Variants in MBD5 observed in about 807,000 individuals in gnomAD.
MBD5 encodes the protein methyl-CpG binding domain protein 5.
In MBD5, 13 loss-of-function variants were observed where a neutral mutation model predicts 117.3. The ratio of observed to expected loss-of-function variants is 0.11; its 90% confidence interval spans 0.07 to 0.18. The LOEUF (loss-of-function observed/expected upper bound fraction) is 0.18, where lower values mean the gene tolerates loss of function less well. Among genes scored for constraint, MBD5 ranks in the 10% least tolerant of loss-of-function variants. The pLI, the probability that MBD5 is intolerant of heterozygous loss-of-function variation, is 1.00. For synonymous variants in MBD5, 727 were observed against 766.4 expected, an observed-to-expected ratio of 0.95 and a Z score of 0.85; for missense variants, 1,879 against 2,093.8, an observed-to-expected ratio of 0.90 and a Z score of 2.00.
intron 2 of MBD5, among the ~76,000 whole-genome samples, chr2:148,204,649 T>C (rs950248246): frequency 6.6e-6 from 1 of 152,192 alleles, no homozygotes; most frequent in Admixed American, 6.5e-5. Flanking sequence ...TTAGTACCAG[T>C]TGCCAGTGGA....
At chr2:148,076,610 T>C (rs560879968) in intron 1 of MBD5, among the ~76,000 whole-genome samples, 2 of 152,334 alleles carry the variant, frequency 1.3e-5, no homozygotes, top group South Asian at 2.1e-4. Flanking sequence ...GTTAGTCTTC[T>C]AGGTGCCAGT....
At chr2:148,267,202 G>A (rs573253169) in intron 3 of MBD5, among the ~76,000 whole-genome samples, 3 of 152,250 alleles carry the variant, frequency 2.0e-5, no homozygotes, top group African/African-American at 7.2e-5. Flanking sequence ...TGAGACCACA[G>A]TAGACAGATA....
Position 148,288,399 on chromosome 2 carries a change from C to CAAAA in MBD5, c.-679-53803_-679-53800dup, listed in dbSNP as rs569673565. On this transcript the variant is annotated intron_variant, in intron 3 of 13. Transcript: ENST00000642680. ...TGGGCGACAGAGCGAGACTCCGTCT[C>CAAAA]AAAAAAAAAAAAAAAGTGATTTCTT... Among the ~76,000 whole-genome samples, 16 of 37,800 alleles carry CAAAA rather than the reference C, an allele frequency of 4.2e-4. 3 individuals carry two copies. Among genetic ancestry groups the CAAAA allele is most frequent in the Non-Finnish European group, 3.8e-4 (7 of 18,372 alleles). The allele number at this position is 37,800 out of a possible 152,430, so 24.8% of individuals were successfully genotyped here.
At chr2:148,321,883 C>A (rs1702291754) in intron 3 of MBD5, among the ~76,000 whole-genome samples, 1 of 152,144 alleles carries the variant, frequency 6.6e-6, no homozygotes, top group Non-Finnish European at 1.5e-5. Context: ...CTGCCACCCC[C>A]AGCCTTAATT....
intron 12 of MBD5, among the ~76,000 whole-genome samples, chr2:148,503,669 C>T (rs1361303014): frequency 1.3e-5 from 2 of 152,154 alleles, no homozygotes; most frequent in African/African-American, 4.8e-5. Context: ...CAAATTGGTA[C>T]TGGCTGTGTG....
intron 4 of MBD5, among the ~76,000 whole-genome samples, chr2:148,360,546 A>AT (rs1184078238): frequency 3.7e-4 from 57 of 152,054 alleles, no homozygotes; most frequent in African/African-American, 1.2e-3. Flanking sequence ...ATATCCTAGG[A>AT]TTTTTTAAAA....
At position 148,463,728 on chromosome 2, in the gene MBD5, G is replaced by A. The variant is rs1707170501; in HGVS notation, c.217-11G>A. On this transcript the variant is annotated splice_polypyrimidine_tract_variant and intron_variant, in intron 6 of 13. Coordinates refer to ENST00000642680, the MANE Select transcript of MBD5 (RefSeq NM_001378120.1). Reference sequence around the variant, plus strand: ...CAGACATATTCTAAACAAAGGCTGTGCTTTTTCCAGGTATTTAATTTTGAT... The same window carrying A: ...CAGACATATTCTAAACAAAGGCTGTACTTTTTCCAGGTATTTAATTTTGAT... 1.2e-6 allele frequency: 2 copies of A among 1,613,374 alleles called. No individual in the cohort carries two copies. Among genetic ancestry groups the A allele is most frequent in the Non-Finnish European group, 8.5e-7 (1 of 1,179,464 alleles).
At chr2:148,289,081 T>G (rs1701438090) in intron 3 of MBD5, among the ~76,000 whole-genome samples, 1 of 152,202 alleles carries the variant, frequency 6.6e-6, no homozygotes, top group Non-Finnish European at 1.5e-5. Context: ...ACTTTTGTGC[T>G]TACAACTTCC....
At chr2:148,315,954 G>C (rs1006359416) in intron 3 of MBD5, among the ~76,000 whole-genome samples, 9 of 152,136 alleles carry the variant, frequency 5.9e-5, no homozygotes, top group African/African-American at 2.2e-4. Context: ...CAGTTCCATA[G>C]GCTGTACAGG....
intron 1 of MBD5, among the ~76,000 whole-genome samples, chr2:148,163,759 G>C (rs965514697): frequency 1.1e-4 from 16 of 151,962 alleles, no homozygotes; most frequent in Non-Finnish European, 1.9e-4. Context: ...AATAGCGCTT[G>C]GTATGTATGA....
intron 4 of MBD5, among the ~76,000 whole-genome samples, chr2:148,385,700 G>A (rs1428034779): frequency 6.6e-6 from 1 of 151,200 alleles, no homozygotes; most frequent in East Asian, 1.9e-4. Context: ...GCAAAGACTT[G>A]GAACCAACCC....
intron 3 of MBD5, among the ~76,000 whole-genome samples, chr2:148,325,672 G>C (rs1223698768): frequency 6.6e-6 from 1 of 151,924 alleles, no homozygotes; most frequent in African/African-American, 2.4e-5. Context: ...CTGTGGGATC[G>C]GTGGTGATAT....
At chr2:148,144,995 G>T (rs1301005126) in intron 1 of MBD5, among the ~76,000 whole-genome samples, 2 of 152,202 alleles carry the variant, frequency 1.3e-5, no homozygotes, top group Non-Finnish European at 2.9e-5. Flanking sequence ...AAAGTCATTG[G>T]TAGCTTGATG....
intron 11 of MBD5, among the ~76,000 whole-genome samples, chr2:148,496,123 C>T (rs1460608565): frequency 3.3e-5 from 5 of 152,134 alleles, no homozygotes; most frequent in South Asian, 2.1e-4. Flanking sequence ...TTTTCTTAAC[C>T]GCTGTTGGAA....
At chr2:148,278,868 G>A (rs1025062988) in intron 3 of MBD5, among the ~76,000 whole-genome samples, 3 of 152,220 alleles carry the variant, frequency 2.0e-5, no homozygotes, top group Non-Finnish European at 4.4e-5. Context: ...TGAGAGCCCA[G>A]TAGGCCACTG....
chr2:148,180,813 A>T (rs1574102769), intron 2 of MBD5, among the ~76,000 whole-genome samples: 1 of 152,052 alleles, frequency 6.6e-6, no homozygotes. Flanking sequence ...TTTATTTATA[A>T]ATTTTCCAGT....
intron 2 of MBD5, among the ~76,000 whole-genome samples, chr2:148,192,622 G>A (rs1256528240): frequency 1.5e-5 from 2 of 130,618 alleles, no homozygotes; most frequent in Non-Finnish European, 3.2e-5. Flanking sequence ...AATAATAAGA[G>A]CTATCTATGA....
intron 4 of MBD5, among the ~76,000 whole-genome samples, chr2:148,372,413 A>G (rs1703879286): frequency 6.6e-6 from 1 of 152,212 alleles, no homozygotes; most frequent in Middle Eastern, 3.4e-3. Flanking sequence ...CAAGCCACAC[A>G]ATCGACCTTT....
At chr2:148,147,818 C>G (rs1182494060) in intron 1 of MBD5, among the ~76,000 whole-genome samples, 1 of 152,126 alleles carries the variant, frequency 6.6e-6, no homozygotes, top group Non-Finnish European at 1.5e-5. Context: ...AATGCTCCAG[C>G]AGACTGTTTA....
Sources: gnomAD v4.1 joint callset for allele counts (sites outside exome capture counted in the v4.1 genomes callset) on GRCh38, gnomAD v4.1.1 for gene constraint, MANE v1.5 for transcripts, NCBI Gene and HGNC (gene_info 2026-07-23, HGNC 2026-07-21) for gene names.